ATR: variants seen among roughly 807,000 people sequenced by gnomAD.
ATR encodes the protein serine/threonine-protein kinase ATR.
A neutral mutation model predicts 305.3 loss-of-function variants in ATR; 142 were observed. The observed-to-expected ratio is 0.47, with a 90% confidence interval of 0.41 to 0.53. ATR has a LOEUF of 0.53. Ranked by LOEUF, ATR falls within the 20% of genes least tolerant of loss-of-function variation. The pLI is 0.00. For missense variants in ATR, 2,135 were observed against 3,133.1 expected, an observed-to-expected ratio of 0.68 and a Z score of 7.60; for synonymous variants, 1,050 against 1,068.1, an observed-to-expected ratio of 0.98 and a Z score of 0.33.
At position 142,507,939 on chromosome 3, in the gene ATR, A is replaced by T; in HGVS notation, c.5023T>A (p.Phe1675Ile). Reference protein sequence around the residue: ...KKQNIQEHLGFLQKLYAAMHE... With the variant: ...KKQNIQEHLGILQKLYAAMHE... ...CTATATTAACTTCAGACCTGTAAAA[A>T]TCCAAGATGTTCCTGAATATTTTGC... Residue 1675 changes from phenylalanine to isoleucine, a missense_variant, in exon 28 of 47, where the codon TTT (phenylalanine) becomes ATT (isoleucine). By Grantham distance (21) the Phe-to-Ile change is conservative (BLOSUM62 0). Transcript: ENST00000350721. 1 of 1,605,592 alleles carries T rather than the reference A, an allele frequency of 6.2e-7. No individual in the cohort carries two copies. Among genetic ancestry groups the T allele is most frequent in the Non-Finnish European group, 8.5e-7 (1 of 1,172,322 alleles).
chr3:142,537,552 T>C (rs1398327578), intron 19 of ATR, among the ~76,000 whole-genome samples: 1 of 152,142 alleles, frequency 6.6e-6, no homozygotes, highest in East Asian at 1.9e-4. Flanking sequence ...ATATCAAAAA[T>C]AAAAGTATTT....
intron 1 of ATR, among the ~76,000 whole-genome samples, chr3:142,578,321 A>G (rs894515901): frequency 2.0e-5 from 3 of 152,182 alleles, no homozygotes; most frequent in Non-Finnish European, 2.9e-5. Flanking sequence ...GAGTGTAGAA[A>G]AGTGACCAGA....
At chr3:142,477,665 T>G (rs2029992566) in intron 36 of ATR, among the ~76,000 whole-genome samples, 1 of 152,264 alleles carries the variant, frequency 6.6e-6, no homozygotes, top group African/African-American at 2.4e-5. Context: ...TCAGAATGAA[T>G]GGTACCAGTT....
rs186181851 is a variant in ATR at position 142,510,013 on chromosome 3, G to C, written c.4853-1904C>G. 6.6e-5 allele frequency among the ~76,000 whole-genome samples: 10 copies of C among 151,934 alleles called. No individual in the cohort carries two copies. The East Asian group carries it at 1.9e-3, about 30-fold the overall frequency. The stretch of plus-strand genomic sequence containing the variant: ...TGCCTGTAGCCCCAGCTACTCAGGA[G>C]GCTGAGGCACAAGAATCGCTTAAGC... On this transcript the variant is annotated intron_variant, in intron 27 of 46. Transcript: ENST00000350721.
intron 36 of ATR, among the ~76,000 whole-genome samples, chr3:142,478,394 G>A (rs1490300553): frequency 1.3e-5 from 2 of 152,150 alleles, no homozygotes; most frequent in Admixed American, 6.6e-5. Context: ...ATGCAGTTGA[G>A]CAGTTTTGAT....
At chr3:142,570,896 A>G (rs1470765491) in intron 1 of ATR, among the ~76,000 whole-genome samples, 4 of 152,180 alleles carry the variant, frequency 2.6e-5, no homozygotes, top group Admixed American at 2.0e-4. Context: ...GTTGGTGATA[A>G]CTAAAGAACT....
At chr3:142,521,672 G>A (rs1304520783) in intron 23 of ATR, among the ~76,000 whole-genome samples, 1 of 152,186 alleles carries the variant, frequency 6.6e-6, no homozygotes, top group African/African-American at 2.4e-5. Flanking sequence ...AGTGGAGGAA[G>A]TAACTAGAGA....
chr3:142,486,403 C>A (rs2030926708), intron 35 of ATR, among the ~76,000 whole-genome samples: 2 of 152,118 alleles, frequency 1.3e-5, no homozygotes, highest in African/African-American at 4.8e-5. Flanking sequence ...ACATATTAGT[C>A]AATCTAGTCT....
intron 21 of ATR, 118 bp downstream of exon 21, chr3:142,534,962 G>A (rs754466485): frequency 1.2e-4 from 141 of 1,154,952 alleles, no homozygotes; most frequent in Non-Finnish European, 1.7e-4. Flanking sequence ...GATAATTCAG[G>A]TAAAATAAAA....
rs758923230 is a variant in ATR, at chr3:142,453,242, G to C, written c.7656-9C>G. 5.6e-6 allele frequency: 9 copies of C among 1,610,366 alleles called. No individual in the cohort carries two copies. In the Admixed American group the frequency reaches 8.3e-5, roughly 15 times the overall value. ...GAAAAGTCTTTAAGACACTAAAATT[G>C]AAACAAATATTATGGTATGATGTTA... On this transcript the variant is annotated splice_polypyrimidine_tract_variant and intron_variant, in intron 45 of 46. Coordinates refer to ENST00000350721, the MANE Select transcript of ATR (RefSeq NM_001184.4).
chr3:142,530,214 T>C (rs868250209), intron 21 of ATR, among the ~76,000 whole-genome samples: 7 of 152,308 alleles, frequency 4.6e-5, no homozygotes, highest in South Asian at 2.1e-4. Flanking sequence ...CCTGTAGTTC[T>C]TGTAATTTAA....
At chr3:142,553,791 G>A (rs761713221) in intron 11 of ATR, 34 bp downstream of exon 11, 19 of 1,609,658 alleles carry the variant, frequency 1.2e-5, no homozygotes, top group Admixed American at 1.0e-4. Flanking sequence ...CTAGGTTGAC[G>A]TAAACTCAAA....
chr3:142,452,422 C>A, intron 46 of ATR: 2 of 984,942 alleles, frequency 2.0e-6, no homozygotes, highest in Non-Finnish European at 2.4e-6. Flanking sequence ...TGCCTATAAT[C>A]CCTGCATTTT....
At chr3:142,479,766 C>A (rs1227129457) in intron 36 of ATR, among the ~76,000 whole-genome samples, 1 of 152,200 alleles carries the variant, frequency 6.6e-6, no homozygotes, top group East Asian at 1.9e-4. Context: ...TCCCATATTT[C>A]TTGGAGGCTT....
intron 36 of ATR, among the ~76,000 whole-genome samples, chr3:142,478,073 T>C (rs2030040197): frequency 6.6e-6 from 1 of 152,218 alleles, no homozygotes; most frequent in African/African-American, 2.4e-5. Flanking sequence ...GAAGGGTTTT[T>C]TGTGTCTCCA....
intron 36 of ATR, among the ~76,000 whole-genome samples, chr3:142,483,809 G>A (rs1052186704): frequency 7.2e-6 from 1 of 139,858 alleles, no homozygotes; most frequent in Non-Finnish European, 1.5e-5. Flanking sequence ...CTCCAGCCTG[G>A]GCGACAGAGC....
chr3:142,461,048 A>G (rs1272579731), intron 42 of ATR, among the ~76,000 whole-genome samples: 1 of 152,172 alleles, frequency 6.6e-6, no homozygotes, highest in Non-Finnish European at 1.5e-5. Context: ...GTTGTCATCA[A>G]ATGTCAACTC....
At chr3:142,519,623 T>A (rs2033056883) in intron 24 of ATR, 46 bp downstream of exon 24, 2 of 1,502,632 alleles carry the variant, frequency 1.3e-6, no homozygotes, top group Non-Finnish European at 1.8e-6. Context: ...TATTTTTATA[T>A]AATTAAAAAC....
Position 142,555,859 on chromosome 3 carries a change from T to G in ATR, c.2341+18A>C. ...CTTAAATAGGTTTTAAAGTATTAAA[T>G]AAGTCATAATCACTCACCAAGTTTT... On this transcript the variant is annotated intron_variant, in intron 10 of 46. Transcript: ENST00000350721. 5.0e-6 allele frequency: 8 copies of G among 1,599,598 alleles called. No homozygotes were observed. The highest frequency in any genetic ancestry group is 6.8e-6 in the Non-Finnish European group (8 of 1,174,086).
Sources: allele counts gnomAD v4.1 joint callset (sites outside exome capture counted in the v4.1 genomes callset), GRCh38; gene constraint gnomAD v4.1.1; transcripts MANE v1.5; gene names NCBI Gene and HGNC (gene_info 2026-07-23, HGNC 2026-07-21).